WIPF1: variants seen among roughly 807,000 people sequenced by gnomAD.
WIPF1 encodes the protein WAS/WASL interacting protein family member 1, also known as WAS/WASL-interacting protein family member 1.
WIPF1 carries 13 observed loss-of-function variants against 35.4 expected under a neutral mutation model. The observed-to-expected ratio is 0.37, with a 90% CI of 0.24 to 0.58. WIPF1 has a LOEUF of 0.58. Among genes scored for constraint, WIPF1 ranks in the 20% least tolerant of loss-of-function variants. The pLI, the probability that WIPF1 is intolerant of heterozygous loss-of-function variation, is 0.74. For missense variants in WIPF1, 591 were observed against 667.0 expected (o/e 0.89, Z 1.25); for synonymous variants, 267 against 266.3 (o/e 1.00, Z -0.02).
At chr2:174,652,185 TCA>T (rs932017954) in intron 1 of WIPF1, among the ~76,000 whole-genome samples, 1 of 152,208 alleles carries the variant, frequency 6.6e-6, no homozygotes, top group African/African-American at 2.4e-5. Context: ...CTCTCCCCCA[TCA>T]CATTTAAGGG....
rs78631726 is a variant in WIPF1, at chr2:174,669,380, T to G, written c.-39+13394A>C. 9.1e-4 allele frequency among the ~76,000 whole-genome samples: 139 copies of G among 152,344 alleles called. 4 individuals carry two copies. The East Asian group carries it at 0.022, about 24-fold the overall frequency. On this transcript the variant is annotated intron_variant, in intron 1 of 8. Coordinates refer to the WIPF1 transcript ENST00000272746. Reference sequence around the variant, plus strand: ...AATTGTGGTCAATAGTTTCCCAGAATTCTTAGTTAATAAACCATTAAAACA... The same window carrying G: ...AATTGTGGTCAATAGTTTCCCAGAAGTCTTAGTTAATAAACCATTAAAACA...
At chr2:174,667,557 T>A (rs1343206629) in intron 1 of WIPF1, among the ~76,000 whole-genome samples, 2 of 152,192 alleles carry the variant, frequency 1.3e-5, no homozygotes, top group Non-Finnish European at 2.9e-5. Context: ...CTGGTCATTG[T>A]TTTGCAGGTA....
chr2:174,658,966 G>A (rs1250802206), intron 1 of WIPF1, among the ~76,000 whole-genome samples: 5 of 151,986 alleles, frequency 3.3e-5, no homozygotes, highest in African/African-American at 1.2e-4. Flanking sequence ...CAGCCCTTAA[G>A]CCTCTGTTTC....
intron 1 of WIPF1, among the ~76,000 whole-genome samples, chr2:174,644,952 T>A (rs1687373516): frequency 1.3e-5 from 2 of 152,194 alleles, no homozygotes; most frequent in Admixed American, 1.3e-4. Context: ...ATACAAATAT[T>A]GTTGTGTGGT....
intron 1 of WIPF1, among the ~76,000 whole-genome samples, chr2:174,593,747 TGAC>T (rs1685705862): frequency 2.0e-5 from 3 of 152,260 alleles, no homozygotes; most frequent in Admixed American, 6.5e-5. Context: ...TTCTATTTTA[TGAC>T]GCGAGTCACT....
intron 1 of WIPF1, among the ~76,000 whole-genome samples, chr2:174,681,764 T>C (rs1688250009): frequency 6.6e-6 from 1 of 152,152 alleles, no homozygotes; most frequent in Non-Finnish European, 1.5e-5. Flanking sequence ...CAAGTCCACT[T>C]GGTCACTGAG....
At chr2:174,675,829 G>C (rs1454266566) in intron 1 of WIPF1, among the ~76,000 whole-genome samples, 1 of 151,478 alleles carries the variant, frequency 6.6e-6, no homozygotes, top group Admixed American at 6.6e-5. Context: ...GTGTGGGGTG[G>C]AGGCGGGGGT....
intron 1 of WIPF1, among the ~76,000 whole-genome samples, chr2:174,628,443 A>T (rs1686915623): frequency 6.6e-6 from 1 of 152,174 alleles, no homozygotes; most frequent in East Asian, 1.9e-4. Flanking sequence ...AACCATTGGA[A>T]ATTTTTCCTC....
At chr2:174,596,819 T>C in intron 1 of WIPF1, among the ~76,000 whole-genome samples, 1 of 152,202 alleles carries the variant, frequency 6.6e-6, no homozygotes, top group East Asian at 1.9e-4. Flanking sequence ...TTTATATTTC[T>C]TCACGGGGAG....
At chr2:174,568,124 A>G (rs1293033848) in intron 5 of WIPF1, 51 bp from the exon 6 acceptor site, 11 of 1,557,966 alleles carry the variant, frequency 7.1e-6, no homozygotes, top group Non-Finnish European at 8.7e-6. Flanking sequence ...ACATTCCATT[A>G]CCGTGGTCAC....
intron 1 of WIPF1, among the ~76,000 whole-genome samples, chr2:174,586,782 C>T (rs971629764): frequency 6.6e-6 from 1 of 152,164 alleles, no homozygotes; most frequent in Non-Finnish European, 1.5e-5. Flanking sequence ...GGGCACCACC[C>T]AGAAGCTGTT....
At chr2:174,617,043 G>A (rs914981901) in intron 1 of WIPF1, among the ~76,000 whole-genome samples, 3 of 151,992 alleles carry the variant, frequency 2.0e-5, no homozygotes, top group African/African-American at 7.3e-5. Context: ...TTGTGTCATT[G>A]ACCTTCAACT....
At chr2:174,643,143 T>C (rs1355262019) in intron 1 of WIPF1, among the ~76,000 whole-genome samples, 1 of 149,308 alleles carries the variant, frequency 6.7e-6, no homozygotes. Context: ...GGCCAATACA[T>C]GTCTAGTTTT....
rs546160221 is a variant in WIPF1, at chr2:174,622,709, G to A, written c.-38-37098C>T. ...TGATTAGCACTTGTGTCTGCCCCGC[G>A]GTCAGAAATTTTATATGGCAACCTG... is the stretch of plus-strand genomic sequence containing the variant. On this transcript the variant is annotated intron_variant, in intron 1 of 8. Coordinates refer to the WIPF1 transcript ENST00000272746. This position sits in a 1 kb window ranked among gnomAD's most constrained non-coding sequence, Gnocchi z 5.1. Among the ~76,000 whole-genome samples, 3 of 152,150 alleles carry A rather than the reference G, an allele frequency of 2.0e-5. No homozygotes were observed. The highest frequency in any genetic ancestry group is 4.8e-5 in the African/African-American group (2 of 41,508).
At chr2:174,578,286 C>T (rs1440423733) in intron 3 of WIPF1, among the ~76,000 whole-genome samples, 1 of 152,130 alleles carries the variant, frequency 6.6e-6, no homozygotes, top group Admixed American at 6.5e-5. Context: ...TTATGTGCTG[C>T]CTTTGTCAAG....
intron 1 of WIPF1, among the ~76,000 whole-genome samples, chr2:174,647,466 C>T (rs987209878): frequency 6.6e-6 from 1 of 151,860 alleles, no homozygotes; most frequent in South Asian, 2.1e-4. Context: ...CTCTGCCTCC[C>T]GGGTTCAAGC....
In WIPF1 at chr2:174,673,156, C is replaced by A. The variant is rs372120929; in HGVS notation, c.-39+9618G>T. 5 of 152,206 alleles carry A rather than the reference C, an allele frequency of 3.3e-5. No individual in the cohort carries two copies. The East Asian group carries it at 7.7e-4, about 23-fold the overall frequency. The allele number at this position is 152,206 out of a possible 1,614,324, so 9.4% of individuals were successfully genotyped here. On this transcript the variant is annotated intron_variant, in intron 1 of 8. Coordinates refer to the WIPF1 transcript ENST00000272746. ...CAACTGGTCCTGATTCCTCACTATG[C>A]CCCTCACTGGCTAAAATGTAATGCA... is the stretch of plus-strand genomic sequence containing the variant.
chr2:174,653,772 T>A (rs1324490627), intron 1 of WIPF1, among the ~76,000 whole-genome samples: 1 of 148,324 alleles, frequency 6.7e-6, no homozygotes, highest in African/African-American at 2.5e-5. Flanking sequence ...AGAAACAGAG[T>A]TCACAGTACT....
intron 5 of WIPF1, among the ~76,000 whole-genome samples, chr2:174,569,937 T>G (rs1393689193): frequency 2.6e-5 from 4 of 152,214 alleles, no homozygotes; most frequent in African/African-American, 9.7e-5. Context: ...TGTAAATTGG[T>G]AGGAAATTCC....
Sources: gnomAD v4.1 joint callset for allele counts (sites outside exome capture counted in the v4.1 genomes callset) on GRCh38, gnomAD v4.1.1 for gene constraint, Gnocchi (gnomAD v3.1) non-coding constraint, MANE v1.5 for transcripts, NCBI Gene and HGNC (gene_info 2026-07-23, HGNC 2026-07-21) for gene names.